The following NELL2 variants were observed in gnomAD, a reference collection of about 807,000 sequenced individuals.
NELL2 encodes protein kinase C-binding protein NELL2.
Under a neutral mutation model 109.6 loss-of-function variants are expected in NELL2, and 41 were observed. The observed-to-expected ratio is 0.37, with a 90% confidence interval of 0.29 to 0.49. The LOEUF is 0.49. NELL2 is among the 20% of genes least tolerant of loss of function. The pLI is 0.98. For synonymous variants in NELL2, 355 were observed against 344.7 expected (o/e 1.03, Z -0.33); for missense variants, 900 against 1,008.3 (o/e 0.89, Z 1.45).
chr12:44,824,658 GTTATTTAT>G (rs143236607), intron 2 of NELL2, among the ~76,000 whole-genome samples: 3,691 of 140,572 alleles, frequency 0.026, 121 homozygotes, highest in African/African-American at 0.066. Context: ...GTTTTGTAGT[GTTATTTAT>G]TTATTTATTT....
At chr12:44,870,212 A>G (rs1477992831) in intron 2 of NELL2, among the ~76,000 whole-genome samples, 1 of 152,218 alleles carries the variant, frequency 6.6e-6, no homozygotes, top group Non-Finnish European at 1.5e-5. Context: ...GAGGTGATTT[A>G]GATTTTCTCT....
At chr12:44,793,541 A>T (rs1942509791) in intron 3 of NELL2, among the ~76,000 whole-genome samples, 1 of 152,160 alleles carries the variant, frequency 6.6e-6, no homozygotes, top group Non-Finnish European at 1.5e-5. Context: ...CCTAAACCTA[A>T]GCCACTAAAA....
At chr12:44,707,841 A>G (rs767225694) in intron 11 of NELL2, among the ~76,000 whole-genome samples, 2 of 152,216 alleles carry the variant, frequency 1.3e-5, no homozygotes, top group Non-Finnish European at 2.9e-5. Flanking sequence ...TACATAGCAC[A>G]TAGCCAGAAT....
intron 15 of NELL2, among the ~76,000 whole-genome samples, chr12:44,576,188 G>A (rs4768560): frequency 0.32 from 49,296 of 152,108 alleles, 9,764 homozygotes; most frequent in East Asian, 0.63. Flanking sequence ...AGGCATCCCT[G>A]AGTAGATCAA....
At chr12:44,649,125 T>C (rs1259800716) in intron 13 of NELL2, among the ~76,000 whole-genome samples, 3 of 152,042 alleles carry the variant, frequency 2.0e-5, no homozygotes, top group Admixed American at 6.5e-5. Context: ...AATCTTGTCA[T>C]AGAACCACAC....
chr12:44,878,423 C>T (rs996619974), upstream of NELL2, among the ~76,000 whole-genome samples: 2 of 152,182 alleles, frequency 1.3e-5, no homozygotes, highest in African/African-American at 4.8e-5. Flanking sequence ...TTAGCTAGGG[C>T]AGAGTTTCTC....
At chr12:44,591,386 C>G (rs1205105262) in intron 15 of NELL2, among the ~76,000 whole-genome samples, 1 of 152,014 alleles carries the variant, frequency 6.6e-6, no homozygotes, top group Non-Finnish European at 1.5e-5. Flanking sequence ...AGGTGCCCAA[C>G]AACAGATGAA....
In NELL2 at chr12:44,766,102, G is replaced by GAAAGAAAT. The variant is rs1271740765; in HGVS notation, c.994+8637_994+8644dup. Among the ~76,000 whole-genome samples the GAAAGAAAT allele has an allele frequency of 2.7e-5, 4 of 149,362 alleles. No homozygotes were observed. In the South Asian group the frequency reaches 6.4e-4, roughly 24 times the overall value. ...CTCCGTATCAGAAAAAAAAAAAAAAGAAAGAAATGCATCTGAATTCTGCTT... is the reference window on the plus strand; with the variant it reads ...CTCCGTATCAGAAAAAAAAAAAAAAGAAAGAAATAAAGAAATGCATCTGAATTCTGCTT... On this transcript the variant is annotated intron_variant, in intron 9 of 19. Transcript: ENST00000429094.
intron 2 of NELL2, among the ~76,000 whole-genome samples, chr12:44,818,739 ATT>A (rs907406696): frequency 9.5e-6 from 1 of 105,182 alleles, no homozygotes; most frequent in African/African-American, 4.3e-5. Context: ...TTTTTTTTTT[ATT>A]TTTTTTTTTT....
At chr12:44,734,490 A>G (rs1475510635) in intron 9 of NELL2, among the ~76,000 whole-genome samples, 1 of 151,750 alleles carries the variant, frequency 6.6e-6, no homozygotes, top group Admixed American at 6.6e-5. Flanking sequence ...ATTTTTAAAT[A>G]AACTGTCTTA....
In NELL2 at chr12:44,644,606, A is replaced by ATG. The variant is rs1421388527; in HGVS notation, c.1444+20876_1444+20877dup. On this transcript the variant is annotated intron_variant, in intron 13 of 19. Transcript: ENST00000429094. ...TATATATATATATATATATATATGT[A>ATG]TGTATATATATATATATATACATAC... Among the ~76,000 whole-genome samples, 133 of 76,354 alleles carry ATG rather than the reference A, an allele frequency of 1.7e-3. 5 individuals are homozygous for ATG. Among genetic ancestry groups the ATG allele is most frequent in the African/African-American group, 7.0e-3 (122 of 17,324 alleles). The allele number at this position is 76,354 out of a possible 152,430, so 50.1% of individuals were successfully genotyped here.
intron 16 of NELL2, among the ~76,000 whole-genome samples, chr12:44,527,220 T>C (rs993470495): frequency 1.3e-5 from 2 of 152,226 alleles, no homozygotes; most frequent in African/African-American, 4.8e-5. Flanking sequence ...ACTTCATTTT[T>C]TTGGTATCAA....
chr12:44,790,470 A>G (rs1371232708), intron 3 of NELL2, among the ~76,000 whole-genome samples: 1 of 152,216 alleles, frequency 6.6e-6, no homozygotes, highest in African/African-American at 2.4e-5. Flanking sequence ...AGTACTGCTA[A>G]AAGGAGCTCT....
At chr12:44,875,590 TC>T (rs1945293979) in intron 1 of NELL2, 15 of 1,611,302 alleles carry the variant, frequency 9.3e-6, no homozygotes, top group Non-Finnish European at 1.3e-5. Flanking sequence ...TCTGCAAAGT[TC>T]CCCCTCAGCC....
At chr12:44,561,218 A>G (rs1424445008) in intron 15 of NELL2, among the ~76,000 whole-genome samples, 1 of 152,226 alleles carries the variant, frequency 6.6e-6, no homozygotes, top group Admixed American at 6.5e-5. Flanking sequence ...CCCACAGCCA[A>G]TATCATACTG....
At chr12:44,790,607 A>G (rs1485674289) in intron 3 of NELL2, among the ~76,000 whole-genome samples, 1 of 152,082 alleles carries the variant, frequency 6.6e-6, no homozygotes, top group Non-Finnish European at 1.5e-5. Flanking sequence ...AACAACAAAA[A>G]AAGCCAAAGT....
chr12:44,875,815 C>T lies in NELL2; in HGVS notation c.55G>A (p.Val19Ile). Residue 19 changes from valine (V) to isoleucine (I), a missense_variant and splice_region_variant, in exon 1 of 20, where the codon GTT becomes ATT. Physicochemically the swap from Val to Ile is conservative, Grantham distance 29. This residue lies in a region of NELL2 where 200 missense variants were observed against 191.8 expected (regional missense o/e 1.04). Coordinates refer to ENST00000429094, the MANE Select transcript of NELL2 (RefSeq NM_001145108.2). ...CAGCCCCAGCTCTGCGGCCACTCAC[C>T]TGCTCCGAGACCGAAGATCAAACAG... ...TFCLIFGLGA[V>I]WGLGVDPSLQ... 1 of 1,613,802 alleles carries T rather than the reference C, an allele frequency of 6.2e-7. No individual in the cohort carries two copies. Among genetic ancestry groups the T allele is most frequent in the African/African-American group, 1.3e-5 (1 of 75,046 alleles).
chr12:44,524,115 C>T (rs1414691126), intron 16 of NELL2, among the ~76,000 whole-genome samples: 1 of 152,158 alleles, frequency 6.6e-6, no homozygotes, highest in African/African-American at 2.4e-5. Context: ...ATCTCTCTTA[C>T]AAAGAAACCA....
At chr12:44,682,622 C>T (rs1948555556) in intron 12 of NELL2, among the ~76,000 whole-genome samples, 1 of 152,198 alleles carries the variant, frequency 6.6e-6, no homozygotes, top group Non-Finnish European at 1.5e-5. Flanking sequence ...GATCCAGTTT[C>T]AGCTTTTTAC....
Sources: allele counts gnomAD v4.1 joint callset (sites outside exome capture counted in the v4.1 genomes callset), GRCh38; gene constraint gnomAD v4.1.1; regional missense constraint gnomAD v4.1.1; transcripts MANE v1.5; gene names NCBI Gene and HGNC (gene_info 2026-07-23, HGNC 2026-07-21).